The following SUMF1 variants were observed in gnomAD, a reference collection of about 807,000 sequenced individuals.
SUMF1 encodes sulfatase modifying factor 1.
SUMF1 carries 48 observed loss-of-function variants against 47.6 expected under a neutral mutation model. The observed-to-expected ratio is 1.01, with a 90% CI of 0.80 to 1.28. SUMF1 has a LOEUF of 1.28. SUMF1 is among the 50% of genes most tolerant of loss of function. SUMF1 has a pLI of 0.00. For synonymous variants in SUMF1, 230 were observed against 192.1 expected (o/e 1.20, Z -1.63); for missense variants, 571 against 485.4 (o/e 1.18, Z -1.66).
At chr3:4,064,820 C>T (rs1695341258) in intron 9 of SUMF1, among the ~76,000 whole-genome samples, 1 of 152,122 alleles carries the variant, frequency 6.6e-6, no homozygotes, top group African/African-American at 2.4e-5. Context: ...ACGCTTCAGC[C>T]ATATTTTAAT....
chr3:4,169,593 G>A (rs375131284), intron 8 of SUMF1, among the ~76,000 whole-genome samples: 76 of 152,198 alleles, frequency 5.0e-4, no homozygotes, highest in African/African-American at 1.7e-3. Context: ...CAGAACTATG[G>A]GGTGAATCTC....
At chr3:4,405,358 C>T (rs1027195718) in intron 7 of SUMF1, among the ~76,000 whole-genome samples, 2 of 152,010 alleles carry the variant, frequency 1.3e-5, no homozygotes, top group African/African-American at 4.8e-5. Context: ...AGGGCTTATC[C>T]CAGGTCAATT....
At chr3:4,463,800 T>C (rs2079872277) in intron 1 of SUMF1, among the ~76,000 whole-genome samples, 1 of 152,204 alleles carries the variant, frequency 6.6e-6, no homozygotes, top group Non-Finnish European at 1.5e-5. Context: ...TTCTAAAAGA[T>C]AAAAGCAGAC....
chr3:4,421,478 T>C (rs1032279333), intron 3 of SUMF1, among the ~76,000 whole-genome samples: 27 of 152,114 alleles, frequency 1.8e-4, no homozygotes, highest in African/African-American at 6.0e-4. Flanking sequence ...AAAGAACAGA[T>C]GTTGCAAATG....
chr3:4,058,374 G>A (rs1393846515), intron 9 of SUMF1, among the ~76,000 whole-genome samples: 1 of 152,074 alleles, frequency 6.6e-6, no homozygotes, highest in Non-Finnish European at 1.5e-5. Flanking sequence ...GTTCAGAAAT[G>A]GCCTTCGAAT....
chr3:4,072,811 G>C (rs1053332913), intron 8 of SUMF1, among the ~76,000 whole-genome samples: 2 of 152,154 alleles, frequency 1.3e-5, no homozygotes, highest in Non-Finnish European at 2.9e-5. Flanking sequence ...AATGAACAAA[G>C]CCTCCAAGAA....
rs78844932 is a variant in SUMF1 at position 4,064,535 on chromosome 3, G to T, written c.1191+4034C>A. Among the ~76,000 whole-genome samples the T allele has an allele frequency of 9.7e-3, 1,484 of 152,228 alleles. 22 individuals carry two copies. The highest frequency in any genetic ancestry group is 0.027 in the South Asian group (132 of 4,822). On this transcript the variant is annotated intron_variant and NMD_transcript_variant, in intron 9 of 12. Coordinates refer to the SUMF1 transcript ENST00000448413. ...GAGCCACCCATACTCTGCCTATGGAGTAGGCATTCTTTTGTTTCTTTACTT... is the reference window on the plus strand; with the variant it reads ...GAGCCACCCATACTCTGCCTATGGATTAGGCATTCTTTTGTTTCTTTACTT...
chr3:4,259,030 G>A (rs1200116534), intron 8 of SUMF1, among the ~76,000 whole-genome samples: 19 of 148,952 alleles, frequency 1.3e-4, no homozygotes, highest in Middle Eastern at 7.0e-3. Flanking sequence ...ACCAAACACC[G>A]CATATTCTCA....
chr3:4,129,534 T>C (rs2125085417), intron 8 of SUMF1, among the ~76,000 whole-genome samples: 1 of 152,252 alleles, frequency 6.6e-6, no homozygotes, highest in South Asian at 2.1e-4. Flanking sequence ...TGAGCCAGTT[T>C]ACAAACCCAG....
chr3:4,242,862 T>C (rs1696573526), intron 8 of SUMF1, among the ~76,000 whole-genome samples: 1 of 152,200 alleles, frequency 6.6e-6, no homozygotes, highest in Non-Finnish European at 1.5e-5. Context: ...CCAGCTCCTC[T>C]TTGTACCTCT....
chr3:4,375,372 T>A (rs947713094), intron 8 of SUMF1, among the ~76,000 whole-genome samples: 1 of 152,118 alleles, frequency 6.6e-6, no homozygotes, highest in Non-Finnish European at 1.5e-5. Context: ...TATGTTTTCA[T>A]CACCTGGAGA....
At chr3:4,120,469 T>G (rs896420635) in intron 8 of SUMF1, among the ~76,000 whole-genome samples, 36 of 152,176 alleles carry the variant, frequency 2.4e-4, no homozygotes, top group African/African-American at 7.7e-4. Context: ...TTACAGGTTA[T>G]TTGTGATGGT....
At chr3:4,456,974 GTGTGTA>G (rs373438816) in intron 1 of SUMF1, among the ~76,000 whole-genome samples, 2 of 141,502 alleles carry the variant, frequency 1.4e-5, no homozygotes, top group African/African-American at 2.7e-5. Flanking sequence ...ATATATACGT[GTGTGTA>G]TATATATATA....
chr3:4,376,770 C>T (rs1219750625), intron 7 of SUMF1, among the ~76,000 whole-genome samples: 1 of 152,148 alleles, frequency 6.6e-6, no homozygotes, highest in Admixed American at 6.6e-5. Flanking sequence ...CACTGGCAAG[C>T]CTCTTTGAAT....
At chr3:4,074,128 CAACA>C (rs1373942775) in intron 8 of SUMF1, among the ~76,000 whole-genome samples, 2 of 152,016 alleles carry the variant, frequency 1.3e-5, no homozygotes, top group African/African-American at 2.4e-5. Flanking sequence ...ACAGAAATCA[CAACA>C]AACAGTCTCT....
chr3:4,327,354 A>G (rs1459140441), intron 8 of SUMF1, among the ~76,000 whole-genome samples: 1 of 152,214 alleles, frequency 6.6e-6, no homozygotes, highest in African/African-American at 2.4e-5. Context: ...TGCCTTTAAT[A>G]GCACCCAGAA....
intron 8 of SUMF1, among the ~76,000 whole-genome samples, chr3:4,254,838 GA>G (rs1696906243): frequency 6.6e-6 from 1 of 151,720 alleles, no homozygotes; most frequent in East Asian, 1.9e-4. Flanking sequence ...TGAAATGAAG[GA>G]AAAAATATTA....
chr3:4,037,826 A>C (rs999796234), intron 9 of SUMF1, among the ~76,000 whole-genome samples: 2 of 151,992 alleles, frequency 1.3e-5, no homozygotes, highest in African/African-American at 4.8e-5. Flanking sequence ...TGGTCAGTAG[A>C]CTTCTTTTCT....
intron 8 of SUMF1, among the ~76,000 whole-genome samples, chr3:4,332,728 A>G (rs1699074049): frequency 6.6e-6 from 1 of 152,216 alleles, no homozygotes; most frequent in Admixed American, 6.5e-5. Context: ...GACAGAAGAC[A>G]GGGAAATACT....
Sources: allele counts gnomAD v4.1 joint callset (sites outside exome capture counted in the v4.1 genomes callset), GRCh38; gene constraint gnomAD v4.1.1; transcripts MANE v1.5; gene names NCBI Gene and HGNC (gene_info 2026-07-23, HGNC 2026-07-21).